ZDHHC11B: variants seen among roughly 807,000 people sequenced by gnomAD.
ZDHHC11B encodes the protein zDHHC palmitoyltransferase 11B (putative), also known as probable palmitoyltransferase ZDHHC11B.
Under a neutral mutation model 42.3 loss-of-function variants are expected in ZDHHC11B, and 17 were observed. The observed-to-expected ratio is 0.40, with a 90% CI of 0.27 to 0.60. The LOEUF (loss-of-function observed/expected upper bound fraction) is 0.60, where lower values mean the gene tolerates loss of function less well. Ranked by LOEUF, ZDHHC11B falls within the 20% of genes least tolerant of loss-of-function variation. The pLI is 0.41. For synonymous variants in ZDHHC11B, 123 were observed against 193.5 expected, an observed-to-expected ratio of 0.64 and a Z score of 3.02; for missense variants, 262 against 463.2, an observed-to-expected ratio of 0.57 and a Z score of 3.99.
In ZDHHC11B at chr5:730,468, C is replaced by T. The variant is rs746295407; in HGVS notation, c.1024G>A (p.Glu342Lys). 6.4e-7 allele frequency: 1 copy of T among 1,556,598 alleles called. No homozygotes were observed. The highest frequency in any genetic ancestry group is 8.6e-7 in the Non-Finnish European group (1 of 1,160,712). The part of the protein sequence containing the change: ...VNQDGDSKAQ[E>K]ADDAPSTSTL... Reference sequence around the variant, plus strand: ...GATGTACTCGGGGCATCATCTGCTTCCTGTGGGGGGAAGGGAAGCAAAATT... The same window carrying T: ...GATGTACTCGGGGCATCATCTGCTTTCTGTGGGGGGAAGGGAAGCAAAATT... Residue 342 changes from glutamate to lysine, a missense_variant and splice_region_variant, in exon 12 of 14, where the codon GAA becomes AAA. By Grantham distance (56) the Glu-to-Lys change is moderately conservative. This residue lies in a region of ZDHHC11B where 75 missense variants were observed against 70.1 expected (regional missense o/e 1.07). Coordinates refer to ENST00000508859, the MANE Select transcript of ZDHHC11B (RefSeq NM_001351303.2).
intron 12 of ZDHHC11B, among the ~76,000 whole-genome samples, chr5:719,655 A>G (rs372549631): frequency 6.6e-6 from 1 of 151,370 alleles, no homozygotes; most frequent in Admixed American, 6.6e-5. Flanking sequence ...GAAAGAGGAT[A>G]AACAGAGCTT....
chr5:721,519 C>A (rs1384477824), intron 12 of ZDHHC11B, among the ~76,000 whole-genome samples: 1 of 151,136 alleles, frequency 6.6e-6, no homozygotes, highest in Non-Finnish European at 1.5e-5. Flanking sequence ...AGCTCCCGGG[C>A]CCCGAGATAT....
chr5:743,204 C>G (rs1208217330), intron 9 of ZDHHC11B, among the ~76,000 whole-genome samples: 1 of 149,204 alleles, frequency 6.7e-6, no homozygotes, highest in Non-Finnish European at 1.5e-5. Flanking sequence ...GACCTTTCTT[C>G]TGGTCCATTT....
chr5:744,470 G>A (rs1291767945), intron 9 of ZDHHC11B, among the ~76,000 whole-genome samples: 2 of 148,984 alleles, frequency 1.3e-5, no homozygotes, highest in Non-Finnish European at 3.0e-5. Flanking sequence ...TAAATTAGTA[G>A]TTTAGTCTCT....
chr5:719,020 C>T (rs1220801150), intron 12 of ZDHHC11B, among the ~76,000 whole-genome samples: 1 of 151,828 alleles, frequency 6.6e-6, no homozygotes, highest in African/African-American at 2.4e-5. Flanking sequence ...CACAGTACCC[C>T]CTTGTTTGTA....
At chr5:772,876 G>C (rs1168199372) in intron 1 of ZDHHC11B, among the ~76,000 whole-genome samples, 1 of 151,826 alleles carries the variant, frequency 6.6e-6, no homozygotes, top group Non-Finnish European at 1.5e-5. Flanking sequence ...ACTGTTCTAG[G>C]TTCTTGTAGT....
At chr5:766,427 T>C (rs1160440068) in intron 4 of ZDHHC11B, among the ~76,000 whole-genome samples, 1 of 151,880 alleles carries the variant, frequency 6.6e-6, no homozygotes, top group Non-Finnish European at 1.5e-5. Flanking sequence ...GGGAGCGGTC[T>C]GACATAGGGT....
At chr5:721,554 G>A (rs1337038253) in intron 12 of ZDHHC11B, among the ~76,000 whole-genome samples, 2 of 151,310 alleles carry the variant, frequency 1.3e-5, no homozygotes, top group Non-Finnish European at 2.9e-5. Flanking sequence ...GCAAGGGTGA[G>A]GAGCGAGGAT....
rs1328822208 is a variant in ZDHHC11B at position 766,280 on chromosome 5, G to A, written c.222+418C>T. On this transcript the variant is annotated intron_variant, in intron 4 of 13. Transcript: ENST00000508859. ...GCAGACACGGGCTTCCCCCTCTTTG[G>A]GAGACGGGAGCAGACCCGGGACCCC... is the stretch of plus-strand genomic sequence containing the variant. Among the ~76,000 whole-genome samples the A allele has an allele frequency of 4.2e-5, 6 of 143,890 alleles. 1 individual carries two copies. The highest frequency in any genetic ancestry group is 9.2e-5 in the Non-Finnish European group (6 of 65,254). 94.4% of individuals were successfully genotyped at this position (143,890 alleles called of 152,430 possible). A position where few individuals can be genotyped will look rare whatever the true frequency, so the allele number is the denominator to read the frequency against.
intron 6 of ZDHHC11B, among the ~76,000 whole-genome samples, chr5:753,859 A>C (rs1164774829): frequency 6.8e-6 from 1 of 146,482 alleles, no homozygotes; most frequent in African/African-American, 2.5e-5. Context: ...GTTGGTCCCC[A>C]CTCCCACGCA....
At chr5:729,809 G>C (rs1320630343) in intron 12 of ZDHHC11B, among the ~76,000 whole-genome samples, 2 of 151,918 alleles carry the variant, frequency 1.3e-5, no homozygotes, top group Non-Finnish European at 2.9e-5. Flanking sequence ...AACTTACTCA[G>C]CATCATGTGT....
Position 737,210 on chromosome 5 carries a change from C to T in ZDHHC11B, c.936-3371G>A, listed in dbSNP as rs1459451149. ...CGTTATGCACACAAACTAGAAAATCCAGAGGAGATGGATAACTTCCTGGAA... is the reference window on the plus strand; with the variant it reads ...CGTTATGCACACAAACTAGAAAATCTAGAGGAGATGGATAACTTCCTGGAA... On this transcript the variant is annotated intron_variant, in intron 10 of 13. Coordinates refer to ENST00000508859, the MANE Select transcript of ZDHHC11B (RefSeq NM_001351303.2). Among the ~76,000 whole-genome samples the T allele has an allele frequency of 7.8e-4, 115 of 147,300 alleles. 1 individual carries two copies. The highest frequency in any genetic ancestry group is 2.9e-3 in the African/African-American group (114 of 38,724).
intron 1 of ZDHHC11B, among the ~76,000 whole-genome samples, chr5:772,503 C>T: frequency 6.6e-6 from 1 of 151,922 alleles, no homozygotes; most frequent in Non-Finnish European, 1.5e-5. Flanking sequence ...AGGCCACCTG[C>T]AGTGGGTGTG....
intron 1 of ZDHHC11B, among the ~76,000 whole-genome samples, chr5:771,690 C>T (rs1467143363): frequency 1.9e-4 from 29 of 151,770 alleles, no homozygotes; most frequent in African/African-American, 5.8e-4. Context: ...ACAGGAGGAG[C>T]AGCTGAGAAA....
chr5:748,455 G>T lies in ZDHHC11B; in HGVS notation c.733C>A (p.Leu245Ile), dbSNP rs192498543. 8 of 1,362,106 alleles carry T rather than the reference G, an allele frequency of 5.9e-6. 3 individuals carry two copies. In the South Asian group the frequency reaches 8.1e-5, roughly 14 times the overall value. The allele number at this position is 1,362,106 out of a possible 1,614,324, so 84.4% of individuals were successfully genotyped here. ...IIRMLVLLLDLLGLVQLGQLL... is the reference protein window; with the variant it reads ...IIRMLVLLLDILGLVQLGQLL... ...TGGCCCAGCTGCACCAAGCCAAGAA[G>T]GTCCAGCAGGAGCACGAGCATCCTG... Residue 245 changes from leucine (L) to isoleucine (I), a missense_variant, in exon 8 of 14, where the codon CTT becomes ATT. Physicochemically the swap from Leu to Ile is conservative, Grantham distance 5. Coordinates refer to ENST00000508859, the MANE Select transcript of ZDHHC11B (RefSeq NM_001351303.2).
At chr5:754,064 C>T (rs1579364553) in intron 6 of ZDHHC11B, among the ~76,000 whole-genome samples, 3 of 132,474 alleles carry the variant, frequency 2.3e-5, no homozygotes, top group Non-Finnish European at 5.1e-5. Context: ...GGGGAAACAA[C>T]CTCTCGTTCT....
chr5:766,287 G>A (rs1191575586), intron 4 of ZDHHC11B, among the ~76,000 whole-genome samples: 2 of 131,566 alleles, frequency 1.5e-5, no homozygotes, highest in Non-Finnish European at 3.3e-5. Context: ...TTGGGAGACG[G>A]GAGCAGACCC....
chr5:772,955 CAGAA>C (rs1736177320), intron 1 of ZDHHC11B, among the ~76,000 whole-genome samples: 1 of 151,852 alleles, frequency 6.6e-6, no homozygotes. Context: ...CTAAAAATGA[CAGAA>C]TGAATTAGGC....
Position 766,852 on chromosome 5 carries a change from A to G in ZDHHC11B, c.68T>C (p.Val23Ala). Residue 23 changes from valine to alanine, a missense_variant, in exon 4 of 14, where the codon GTC becomes GCC. Val to Ala is a moderately conservative substitution (Grantham distance 64, BLOSUM62 0). Transcript: ENST00000508859. The part of the protein sequence containing the change: ...PEAIRNNEEL[V>A]LPPRISRVNG... ...CACTCTGGAGATGCGGGGCGGCAAG[A>G]CCAGCTCTTCATTGTTGCGTATGGC... is the stretch of plus-strand genomic sequence containing the variant. 1 of 1,612,770 alleles carries G rather than the reference A, an allele frequency of 6.2e-7. No homozygotes were observed. Among genetic ancestry groups the G allele is most frequent in the Non-Finnish European group, 8.5e-7 (1 of 1,179,234 alleles).
Sources: gnomAD v4.1 joint callset for allele counts (sites outside exome capture counted in the v4.1 genomes callset) on GRCh38, gnomAD v4.1.1 for gene constraint, gnomAD v4.1.1 regional missense constraint, MANE v1.5 for transcripts, NCBI Gene and HGNC (gene_info 2026-07-23, HGNC 2026-07-21) for gene names.